Variants in SPRED2 observed in about 807,000 individuals in gnomAD.
The protein encoded by SPRED2 is sprouty related EVH1 domain containing 2.
A neutral mutation model predicts 43.0 loss-of-function variants in SPRED2; 47 were observed. The observed-to-expected ratio is 1.09, with a 90% CI of 0.87 to 1.40. The LOEUF (loss-of-function observed/expected upper bound fraction) is 1.40. SPRED2 is among the 40% of genes most tolerant of loss of function. The pLI, the probability that SPRED2 is intolerant of heterozygous loss-of-function variation, is 0.00. For synonymous variants in SPRED2, 225 were observed against 225.7 expected (o/e 1.00, Z 0.03); for missense variants, 561 against 586.4 (o/e 0.96, Z 0.45).
chr2:65,327,939 G>A lies in SPRED2; in HGVS notation c.438+4048C>T, dbSNP rs556775633. 1.4e-3 allele frequency among the ~76,000 whole-genome samples: 206 copies of A among 151,898 alleles called. 1 individual carries two copies. Among genetic ancestry groups the A allele is most frequent in the Middle Eastern group, 3.4e-3 (1 of 294 alleles). On this transcript the variant is annotated intron_variant, in intron 4 of 5. Coordinates refer to ENST00000356388, the MANE Select transcript of SPRED2 (RefSeq NM_181784.3). ...GGGTTTCACCATGTTGGCCAGGCTG[G>A]TCTTGAATTGCTGACCTCGTGATCC...
chr2:65,371,695 G>T (rs1190719010), intron 1 of SPRED2, among the ~76,000 whole-genome samples: 2 of 152,086 alleles, frequency 1.3e-5, no homozygotes, highest in Non-Finnish European at 2.9e-5. Flanking sequence ...TTAATTTGGG[G>T]ATGTTCAGCT....
chr2:65,309,158 A>G (rs1673001498), downstream of SPRED2, among the ~76,000 whole-genome samples: 1 of 36,234 alleles, frequency 2.8e-5, no homozygotes, highest in Non-Finnish European at 5.4e-5. Flanking sequence ...CTCAGTCTCA[A>G]AAAAAAAAAA....
At chr2:65,375,839 G>A (rs190819274) in intron 1 of SPRED2, among the ~76,000 whole-genome samples, 181 of 152,236 alleles carry the variant, frequency 1.2e-3, no homozygotes, top group African/African-American at 4.3e-3. Context: ...GGAGTTCCAC[G>A]GATTTCATTT....
chr2:65,315,850 G>T (rs1316787358), intron 5 of SPRED2, among the ~76,000 whole-genome samples: 1 of 152,124 alleles, frequency 6.6e-6, no homozygotes, highest in African/African-American at 2.4e-5. Flanking sequence ...AGTAGACACG[G>T]GGTTTCACCG....
chr2:65,426,801 T>C (rs1676567689), intron 1 of SPRED2, among the ~76,000 whole-genome samples: 1 of 152,236 alleles, frequency 6.6e-6, no homozygotes, highest in Admixed American at 6.5e-5. Flanking sequence ...GTTTTGGGTA[T>C]TGCTACTGAT....
In SPRED2 at chr2:65,313,853, T is replaced by A; in HGVS notation, c.905A>T (p.Glu302Val). 1 of 1,611,420 alleles carries A rather than the reference T, an allele frequency of 6.2e-7. No individual in the cohort carries two copies. Residue 302 changes from glutamate to valine, a missense_variant, in exon 6 of 6, where the codon GAG becomes GTG. Glu to Val is a moderately radical substitution (Grantham distance 121, BLOSUM62 -2). Coordinates refer to ENST00000356388, the MANE Select transcript of SPRED2 (RefSeq NM_181784.3). ...PSRGKSRRRK[E>V]DGERSRCVYC... ...CACGCACCGCGAGCGCTCTCCGTCC[T>A]CCTTCCGCCGCCGCGACTTGCCCCG...
chr2:65,314,509 T>C (rs866802863), intron 5 of SPRED2, among the ~76,000 whole-genome samples: 4 of 152,158 alleles, frequency 2.6e-5, no homozygotes, highest in Admixed American at 2.0e-4. Flanking sequence ...CTCAGGAGCA[T>C]GGCACACTCA....
intron 1 of SPRED2, among the ~76,000 whole-genome samples, chr2:65,367,711 G>A (rs1165284251): frequency 2.0e-5 from 3 of 152,140 alleles, no homozygotes; most frequent in Non-Finnish European, 4.4e-5. Context: ...GTTTCCTTAT[G>A]CATTCTCTGA....
chr2:65,376,025 T>A (rs1675228631), intron 1 of SPRED2, among the ~76,000 whole-genome samples: 1 of 152,180 alleles, frequency 6.6e-6, no homozygotes. Context: ...GTGCACAGAA[T>A]GCCAACAGGT....
chr2:65,355,875 CCT>C (rs1431440361), intron 1 of SPRED2, among the ~76,000 whole-genome samples: 2 of 152,078 alleles, frequency 1.3e-5, no homozygotes, highest in East Asian at 1.9e-4. Flanking sequence ...TCTGACTTTC[CCT>C]CTGTTTTACA....
chr2:65,406,756 A>C (rs967062402), intron 1 of SPRED2, among the ~76,000 whole-genome samples: 1 of 152,134 alleles, frequency 6.6e-6, no homozygotes, highest in Admixed American at 6.5e-5. Flanking sequence ...CAGGAAGCTA[A>C]CCTGTTCCAC....
At chr2:65,391,593 T>C (rs776560287) in intron 1 of SPRED2, among the ~76,000 whole-genome samples, 4 of 152,220 alleles carry the variant, frequency 2.6e-5, no homozygotes, top group Non-Finnish European at 5.9e-5. Context: ...GGCTTAACCA[T>C]TGTAATAGGT....
chr2:65,355,959 C>G (rs183028984), intron 1 of SPRED2, among the ~76,000 whole-genome samples: 61 of 152,238 alleles, frequency 4.0e-4, no homozygotes, highest in Non-Finnish European at 7.5e-4. Flanking sequence ...TGTCAGATTA[C>G]TAAACAAAAT....
At chr2:65,402,469 T>C (rs1675928672) in intron 1 of SPRED2, among the ~76,000 whole-genome samples, 1 of 152,028 alleles carries the variant, frequency 6.6e-6, no homozygotes, top group African/African-American at 2.4e-5. Context: ...CATATGGAGA[T>C]ACTGATATAA....
At chr2:65,418,444 C>T (rs1431447226) in intron 1 of SPRED2, among the ~76,000 whole-genome samples, 1 of 152,216 alleles carries the variant, frequency 6.6e-6, no homozygotes, top group Non-Finnish European at 1.5e-5. Flanking sequence ...TAAATACTAC[C>T]ATCATCCTTT....
chr2:65,328,329 A>G (rs1042947813), intron 4 of SPRED2, among the ~76,000 whole-genome samples: 3 of 152,216 alleles, frequency 2.0e-5, no homozygotes, highest in Middle Eastern at 3.2e-3. Flanking sequence ...GGAATCTGGT[A>G]TACTGACCAT....
At chr2:65,327,031 G>C (rs1391780893) in intron 4 of SPRED2, among the ~76,000 whole-genome samples, 2 of 151,598 alleles carry the variant, frequency 1.3e-5, no homozygotes, top group Non-Finnish European at 2.9e-5. Context: ...ATTTTATGTA[G>C]AGACAGGACA....
chr2:65,398,411 C>A (rs1675806652), intron 1 of SPRED2, among the ~76,000 whole-genome samples: 1 of 152,062 alleles, frequency 6.6e-6, no homozygotes, highest in Non-Finnish European at 1.5e-5. Flanking sequence ...AGCTTCTGCA[C>A]AGCAAAAGAA....
At position 65,414,340 on chromosome 2, in the gene SPRED2, G is replaced by A. The variant is rs78044887; in HGVS notation, c.26+17622C>T. ...GTACTACATTTTTCACATTATCATCGCCTATCATCAGTATAACCTCTGAAG... is the reference window on the plus strand; with the variant it reads ...GTACTACATTTTTCACATTATCATCACCTATCATCAGTATAACCTCTGAAG... On this transcript the variant is annotated intron_variant, in intron 1 of 5. Coordinates refer to ENST00000356388, the MANE Select transcript of SPRED2 (RefSeq NM_181784.3). Among the ~76,000 whole-genome samples the A allele has an allele frequency of 7.9e-4, 120 of 152,190 alleles. 1 individual carries two copies. The East Asian group carries it at 0.016, about 20-fold the overall frequency.
Sources: allele counts gnomAD v4.1 joint callset (sites outside exome capture counted in the v4.1 genomes callset), GRCh38; gene constraint gnomAD v4.1.1; transcripts MANE v1.5; gene names NCBI Gene and HGNC (gene_info 2026-07-23, HGNC 2026-07-21).